The following BCAR1 variants were observed in gnomAD, a reference collection of about 807,000 sequenced individuals.
BCAR1 encodes BCAR1 scaffold protein, Cas family member.
Under a neutral mutation model 67.6 loss-of-function variants are expected in BCAR1, and 30 were observed. That is an observed-to-expected ratio of 0.44 (90% CI 0.33 to 0.60). The LOEUF (loss-of-function observed/expected upper bound fraction) is 0.60. Among genes scored for constraint, BCAR1 ranks in the 20% least tolerant of loss-of-function variants. The pLI is 0.02. For missense variants in BCAR1, 1,313 were observed against 1,222.3 expected (o/e 1.07, Z -1.11); for synonymous variants, 626 against 556.7 (o/e 1.12, Z -1.75).
intron 1 of BCAR1, among the ~76,000 whole-genome samples, chr16:75,258,181 C>T (rs772821181): frequency 3.9e-5 from 6 of 152,220 alleles, no homozygotes; most frequent in Non-Finnish European, 7.3e-5. Context: ...GTGCTAAGCC[C>T]ATCCCGCAAC....
chr16:75,235,748 C>T lies in BCAR1; in HGVS notation c.1151G>A (p.Gly384Asp), dbSNP rs776634985. 42 of 1,595,898 alleles carry T rather than the reference C, an allele frequency of 2.6e-5. No individual in the cohort carries two copies. The East Asian group carries it at 7.2e-4, about 27-fold the overall frequency. Residue 384 changes from glycine to aspartate, a missense_variant, in exon 5 of 7, where the codon GGC becomes GAC. Physicochemically the swap from Gly to Asp is moderately conservative, Grantham distance 94. Transcript: ENST00000162330. ...TTCACGGGGCACATCGTACAGGGTG[C>T]CCGGGCCAGGCCGCCGCAAGCCAGG... ...VPPGLRRPGPGTLYDVPRERV... is the reference protein window; with the variant it reads ...VPPGLRRPGPDTLYDVPRERV...
chr16:75,252,341 C>G (rs987128070), upstream of BCAR1: 22 of 1,534,808 alleles, frequency 1.4e-5, no homozygotes, highest in Admixed American at 3.9e-5. Context: ...GGGCCTAGTA[C>G]CCTCCTGAGT....
chr16:75,237,735 A>G (rs1031238920), intron 2 of BCAR1, among the ~76,000 whole-genome samples: 2 of 152,196 alleles, frequency 1.3e-5, no homozygotes, highest in Non-Finnish European at 2.9e-5. Context: ...TGGGGCGCCT[A>G]GCCCCACAGG....
intron 1 of BCAR1, among the ~76,000 whole-genome samples, chr16:75,244,997 T>C (rs1186472630): frequency 6.6e-6 from 1 of 151,954 alleles, no homozygotes; most frequent in Non-Finnish European, 1.5e-5. Flanking sequence ...GCTGAAAAAC[T>C]ACACAAAAAG....
At chr16:75,231,179 C>G (rs1286874126) in intron 6 of BCAR1, among the ~76,000 whole-genome samples, 1 of 151,550 alleles carries the variant, frequency 6.6e-6, no homozygotes, top group Non-Finnish European at 1.5e-5. Context: ...TCGCTGCAAC[C>G]TCTGCCTCCT....
intron 6 of BCAR1, among the ~76,000 whole-genome samples, chr16:75,231,233 C>T (rs1009664121): frequency 2.0e-5 from 3 of 151,574 alleles, no homozygotes; most frequent in African/African-American, 4.9e-5. Flanking sequence ...TACAGGCCTG[C>T]GCCACCACCC....
intron 1 of BCAR1, 86 bp downstream of exon 1, chr16:75,251,376 CGCAGGTCCG>C (rs2077675174): frequency 1.4e-6 from 2 of 1,437,066 alleles, no homozygotes; most frequent in Admixed American, 5.0e-5. Context: ...TCCCAGGCCC[CGCAGGTCCG>C]GCAGGAAATG....
chr16:75,240,429 G>T (rs963436547), intron 2 of BCAR1, among the ~76,000 whole-genome samples: 68 of 152,198 alleles, frequency 4.5e-4, no homozygotes, highest in African/African-American at 1.6e-3. Context: ...AGCAGAGGGG[G>T]CAACCCAGCA....
upstream of BCAR1, chr16:75,252,472 G>A: frequency 7.2e-7 from 1 of 1,379,364 alleles, no homozygotes; most frequent in Non-Finnish European, 9.5e-7. Context: ...GCTCTCCTGA[G>A]TTGCCCCTTG....
intron 2 of BCAR1, among the ~76,000 whole-genome samples, chr16:75,241,473 C>T (rs141711286): frequency 5.9e-4 from 90 of 152,220 alleles, no homozygotes; most frequent in African/African-American, 2.0e-3. Context: ...GATAACAGGA[C>T]CCTGCTCCTC....
chr16:75,257,373 A>G (rs2077802544), intron 1 of BCAR1, among the ~76,000 whole-genome samples: 2 of 152,118 alleles, frequency 1.3e-5, no homozygotes, highest in African/African-American at 4.8e-5. Context: ...GAATCACAAG[A>G]GGGGACCCTG....
Position 75,229,803 on chromosome 16 carries a change from G to A in BCAR1, c.2321C>T (p.Pro774Leu), listed in dbSNP as rs2076828258. 5 of 1,613,444 alleles carry A rather than the reference G, an allele frequency of 3.1e-6. No individual in the cohort carries two copies. Among genetic ancestry groups the A allele is most frequent in the Non-Finnish European group, 4.2e-6 (5 of 1,180,012 alleles). ...GCTGTGCGCCACAAAGATCTTGGGC[G>A]GCTGGTTGGTGGCCACGGCGGTAAA... ...AFFTAVATNQ[P>L]PKIFVAHSKF... Residue 774 changes from proline (P) to leucine (L), a missense_variant, in exon 7 of 7, where the codon CCG becomes CTG. Physicochemically the swap from Pro to Leu is moderately conservative, Grantham distance 98. Coordinates refer to ENST00000162330, the MANE Select transcript of BCAR1 (RefSeq NM_014567.5).
chr16:75,234,761 G>A (rs2077039552), intron 5 of BCAR1, 128 bp downstream of exon 5: 1 of 1,377,408 alleles, frequency 7.3e-7, no homozygotes, highest in Non-Finnish European at 9.7e-7. Flanking sequence ...TGGGGTGAGG[G>A]AGGTCAAAGT....
upstream of BCAR1, among the ~76,000 whole-genome samples, chr16:75,255,399 T>A (rs901413403): frequency 2.0e-5 from 3 of 151,828 alleles, no homozygotes; most frequent in Non-Finnish European, 2.9e-5. Flanking sequence ...GCTGACACCA[T>A]CCCCCTAGGC....
At position 75,231,231 on chromosome 16, in the gene BCAR1, T is replaced by TGCGCC. The variant is rs1000688375; in HGVS notation, c.2101-1213_2101-1209dup. 7.2e-5 allele frequency among the ~76,000 whole-genome samples: 11 copies of TGCGCC among 151,904 alleles called. No homozygotes were observed. The East Asian group carries it at 2.1e-3, about 29-fold the overall frequency. Reference sequence around the variant, plus strand: ...CCTGCTTCAGCTGGGATTACAGGCCTGCGCCACCACCCCTGGCTAATTTTT... The same window carrying TGCGCC: ...CCTGCTTCAGCTGGGATTACAGGCCTGCGCCGCGCCACCACCCCTGGCTAATTTTT... On this transcript the variant is annotated intron_variant, in intron 6 of 6. Transcript: ENST00000162330.
At chr16:75,266,723 G>T in intron 1 of BCAR1, 1 of 1,421,324 alleles carries the variant, frequency 7.0e-7, no homozygotes, top group Non-Finnish European at 9.3e-7. Context: ...CCCACTCAAA[G>T]GAAGGACCAG....
At chr16:75,237,113 TC>T in intron 3 of BCAR1, 69 bp downstream of exon 3, 1 of 1,504,508 alleles carries the variant, frequency 6.6e-7, no homozygotes, top group Non-Finnish European at 8.9e-7. Flanking sequence ...GATGCAGCTC[TC>T]GGCCCAGGGC....
chr16:75,230,243 G>A (rs1161874745), intron 6 of BCAR1, among the ~76,000 whole-genome samples: 8 of 152,138 alleles, frequency 5.3e-5, no homozygotes, highest in African/African-American at 1.9e-4. Flanking sequence ...GTCTCAAAAG[G>A]TCAGACTCCG....
chr16:75,266,148 G>A (rs1290928657), intron 1 of BCAR1: 4 of 528,390 alleles, frequency 7.6e-6, no homozygotes, highest in African/African-American at 2.1e-5. Flanking sequence ...TCCCTCGCGG[G>A]CCACCTCCAG....
Sources: gnomAD v4.1 joint callset for allele counts (sites outside exome capture counted in the v4.1 genomes callset) on GRCh38, gnomAD v4.1.1 for gene constraint, MANE v1.5 for transcripts, NCBI Gene and HGNC (gene_info 2026-07-23, HGNC 2026-07-21) for gene names.